PRDM9: variants seen among roughly 807,000 people sequenced by gnomAD.
PRDM9 encodes PR/SET domain 9.
Under a neutral mutation model 55.6 loss-of-function variants are expected in PRDM9, and 47 were observed. The ratio of observed to expected loss-of-function variants is 0.85; its 90% CI spans 0.67 to 1.08. The LOEUF (loss-of-function observed/expected upper bound fraction) is 1.08. Among genes scored for constraint, PRDM9 ranks in the 50% least tolerant of loss-of-function variants. The pLI, the probability that PRDM9 is intolerant of heterozygous loss-of-function variation, is 0.00. For missense variants in PRDM9, 867 were observed against 1,040.3 expected, an observed-to-expected ratio of 0.83 and a Z score of 2.29; for synonymous variants, 312 against 375.7, an observed-to-expected ratio of 0.83 and a Z score of 1.96.
chr5:23,520,901 A>C lies in PRDM9; in HGVS notation c.352-122A>C, dbSNP rs1306375144. The C allele has an allele frequency of 1.6e-5, 19 of 1,151,696 alleles. No homozygotes were observed. In the East Asian group the frequency reaches 4.1e-4, roughly 25 times the overall value. The allele number at this position is 1,151,696 out of a possible 1,614,324, so 71.3% of individuals were successfully genotyped here. ...CTTCTCTTTTCCCTCTAGTATTTAG[A>C]CACTCTAGGTATTTTCAAGGTTTGA... On this transcript the variant is annotated intron_variant, in intron 5 of 10. Coordinates refer to ENST00000296682, the MANE Select transcript of PRDM9 (RefSeq NM_020227.4).
intron 5 of PRDM9, among the ~76,000 whole-genome samples, chr5:23,519,509 C>A (rs1393567577): frequency 1.3e-5 from 2 of 151,958 alleles, no homozygotes; most frequent in Non-Finnish European, 1.5e-5. Context: ...GCTGGGATTA[C>A]AGGCACCCGC....
Position 23,522,660 on chromosome 5 carries a change from T to A in PRDM9, c.657T>A (p.His219Gln). 1 of 1,614,228 alleles carries A rather than the reference T, an allele frequency of 6.2e-7. No homozygotes were observed. Among genetic ancestry groups the A allele is most frequent in the Non-Finnish European group, 8.5e-7 (1 of 1,180,034 alleles). The change falls in exon 8 of 11, where the codon CAT becomes CAA. Residue 219 changes from histidine to glutamine, a missense_variant. His to Gln is a conservative substitution (Grantham distance 24). Coordinates refer to ENST00000296682, the MANE Select transcript of PRDM9 (RefSeq NM_020227.4). ...QNFFIDSCAA[H>Q]GPPTFVKDSA... ...TCTTCATTGACAGCTGTGCTGCCCATGGGCCCCCTACATTTGTAAAGGACA... is the reference window on the plus strand; with the variant it reads ...TCTTCATTGACAGCTGTGCTGCCCAAGGGCCCCCTACATTTGTAAAGGACA...
chr5:23,509,168 C>G lies in PRDM9; in HGVS notation c.69+66C>G, dbSNP rs371961257. On this transcript the variant is annotated intron_variant, in intron 2 of 10. Transcript: ENST00000296682. ...CTGATCTCTGGAGTGCTGCAGACTC[C>G]TGGCCTGTACCCTTGGGGGACCCTA... 1.4e-5 allele frequency: 22 copies of G among 1,591,654 alleles called. No homozygotes were observed. The African/African-American group carries it at 2.8e-4, about 20-fold the overall frequency.
intron 10 of PRDM9, among the ~76,000 whole-genome samples, chr5:23,525,889 C>T (rs954781400): frequency 5.9e-5 from 9 of 152,054 alleles, no homozygotes; most frequent in Admixed American, 4.6e-4. Flanking sequence ...AGAGGGTGAT[C>T]AGGGAAGGCT....
rs1451935921 is a variant in PRDM9 at position 23,526,526 on chromosome 5, C to T, written c.1438C>T (p.Pro480Ser). The T allele has an allele frequency of 1.2e-6, 2 of 1,614,034 alleles. No homozygotes were observed. Among genetic ancestry groups the T allele is most frequent in the Non-Finnish European group, 1.7e-6 (2 of 1,179,992 alleles). Residue 480 changes from proline to serine, a missense_variant, in exon 11 of 11, where the codon CCC (proline) becomes TCC (serine). This residue lies in a region of PRDM9 where 662 missense variants were observed against 711.9 expected (regional missense o/e 0.93). Transcript: ENST00000296682. ...GATTTCAAGGGCCTTTTCTAGCCCA[C>T]CCAAAGGACAAATGGGGAGCTGTAG... ...REISRAFSSP[P>S]KGQMGSCRVG...
intron 6 of PRDM9, 115 bp downstream of exon 6, chr5:23,521,294 C>A: frequency 2.5e-6 from 3 of 1,180,780 alleles, no homozygotes; most frequent in South Asian, 1.3e-5. Context: ...AAGCTGGACT[C>A]AACTGTGAGA....
intron 4 of PRDM9, among the ~76,000 whole-genome samples, chr5:23,516,513 C>T (rs900826402): frequency 6.6e-6 from 1 of 151,312 alleles, no homozygotes; most frequent in African/African-American, 2.4e-5. Flanking sequence ...GCTGGGACTA[C>T]AGGCGCCCGC....
At chr5:23,518,051 CA>C in intron 5 of PRDM9, 121 bp downstream of exon 5, 1 of 901,806 alleles carries the variant, frequency 1.1e-6, no homozygotes, top group Non-Finnish European at 1.9e-6. Context: ...ATCTCTTTAG[CA>C]CAGTGTCTGA....
At chr5:23,518,010 C>T in intron 5 of PRDM9, 80 bp downstream of exon 5, 1 of 1,306,906 alleles carries the variant, frequency 7.7e-7, no homozygotes, top group Middle Eastern at 1.8e-4. Flanking sequence ...AATGTACAGA[C>T]TATCATAGGA....
At chr5:23,509,648 G>A in intron 3 of PRDM9, 55 bp downstream of exon 3, 4 of 1,613,170 alleles carry the variant, frequency 2.5e-6, no homozygotes, top group South Asian at 2.2e-5. Flanking sequence ...CAGGTCTTTG[G>A]TCCCTATATT....
chr5:23,527,227 A>G lies in PRDM9; in HGVS notation c.2139A>G (p.Thr713=), dbSNP rs536466093. The G allele has an allele frequency of 6.6e-6, 8 of 1,204,390 alleles. No homozygotes were observed. The South Asian group carries it at 1.0e-4, about 15-fold the overall frequency. The allele number at this position is 1,204,390 out of a possible 1,614,324, so 74.6% of individuals were successfully genotyped here. The change falls in exon 11 of 11, where the codon ACA becomes ACG. Residue 713 remains threonine, a synonymous_variant. Coordinates refer to ENST00000296682, the MANE Select transcript of PRDM9 (RefSeq NM_020227.4). ...CAGTCCTCCTCACTCACCAGAGGAC[A>G]CACACAGGGGAGAAGCCCTATGTCT... ...WQSVLLTHQR[T]HTGEKPYVCR...
chr5:23,521,264 C>T (rs1739323716), intron 6 of PRDM9, 85 bp downstream of exon 6: 6 of 1,522,114 alleles, frequency 3.9e-6, no homozygotes, highest in African/African-American at 2.7e-5. Context: ...GTGGGGTGGA[C>T]TTTGCATAGG....
chr5:23,508,958 G>A lies in PRDM9; in HGVS notation c.-76G>A. On this transcript the variant is annotated 5_prime_UTR_variant, in exon 2 of 11. Coordinates refer to ENST00000296682, the MANE Select transcript of PRDM9 (RefSeq NM_020227.4). ...ACCTTCTCCTTCCACAGGAGCCTTT[G>A]GCCTAGGAGCTGGGAGACTCAGGGC... is the stretch of plus-strand genomic sequence containing the variant. 1 of 1,547,168 alleles carries A rather than the reference G, an allele frequency of 6.5e-7. No homozygotes were observed. Among genetic ancestry groups the A allele is most frequent in the African/African-American group, 1.4e-5 (1 of 73,298 alleles).
At chr5:23,510,113 G>A (rs1739063752) in intron 4 of PRDM9, 86 bp downstream of exon 4, 1 of 1,356,136 alleles carries the variant, frequency 7.4e-7, no homozygotes, top group Non-Finnish European at 1.0e-6. Context: ...GGGGTGCAAT[G>A]GCATGATCTT....
chr5:23,517,805 T>C lies in PRDM9; in HGVS notation c.302-76T>C. On this transcript the variant is annotated intron_variant, in intron 4 of 10. Coordinates refer to ENST00000296682, the MANE Select transcript of PRDM9 (RefSeq NM_020227.4). Reference sequence around the variant, plus strand: ...CCGTCTCAAAAATAAAAAATAAAAATAAAAAATAGAAGAGAGAATCTCTAG... The same window carrying C: ...CCGTCTCAAAAATAAAAAATAAAAACAAAAAATAGAAGAGAGAATCTCTAG... 2.2e-6 allele frequency: 3 copies of C among 1,380,776 alleles called. No individual in the cohort carries two copies. In the South Asian group the frequency reaches 3.5e-5, roughly 16 times the overall value. The allele number at this position is 1,380,776 out of a possible 1,614,324, so 85.5% of individuals were successfully genotyped here.
At chr5:23,510,827 G>A (rs369291874) in intron 4 of PRDM9, among the ~76,000 whole-genome samples, 3 of 151,870 alleles carry the variant, frequency 2.0e-5, no homozygotes, top group Non-Finnish European at 2.9e-5. Flanking sequence ...ATGAGGCACC[G>A]TGCATAGCCC....
At chr5:23,508,847 A>T in intron 1 of PRDM9, 103 bp from the exon 2 acceptor site, 1 of 671,416 alleles carries the variant, frequency 1.5e-6, no homozygotes, top group Non-Finnish European at 2.5e-6. Context: ...CCAGGAATCC[A>T]CATCTTCCTG....
chr5:23,517,990 AGAG>A, intron 5 of PRDM9, 60 bp downstream of exon 5: 1 of 1,448,476 alleles, frequency 6.9e-7, no homozygotes, highest in Non-Finnish European at 9.7e-7. Flanking sequence ...AACACAGGTA[AGAG>A]GAGGAGAATG....
intron 4 of PRDM9, among the ~76,000 whole-genome samples, chr5:23,514,505 G>C (rs898442988): frequency 2.3e-4 from 35 of 151,726 alleles, no homozygotes; most frequent in African/African-American, 8.0e-4. Context: ...CTGGAGTTCA[G>C]TGGTGCGATC....
Sources: gnomAD v4.1 joint callset for allele counts (sites outside exome capture counted in the v4.1 genomes callset) on GRCh38, gnomAD v4.1.1 for gene constraint, gnomAD v4.1.1 regional missense constraint, MANE v1.5 for transcripts, NCBI Gene and HGNC (gene_info 2026-07-23, HGNC 2026-07-21) for gene names.